Variants in PLXNC1 observed in about 807,000 individuals in gnomAD.
PLXNC1 encodes plexin C1, also known as plexin-C1.
A neutral mutation model predicts 178.2 loss-of-function variants in PLXNC1; 75 were observed. That is an observed-to-expected ratio of 0.42 (90% CI 0.35 to 0.51). The LOEUF (loss-of-function observed/expected upper bound fraction) is 0.51. PLXNC1 is among the 20% of genes least tolerant of loss of function. The probability of loss-of-function intolerance (pLI) is 0.02; values close to 1 mark genes in which losing one functional copy is unlikely to be tolerated. For missense variants in PLXNC1, 1,503 were observed against 1,984.4 expected, an observed-to-expected ratio of 0.76 and a Z score of 4.61; for synonymous variants, 790 against 779.9, an observed-to-expected ratio of 1.01 and a Z score of -0.22.
Position 94,167,758 on chromosome 12 carries a change from T to G in PLXNC1, c.1063-1395T>G, listed in dbSNP as rs577890849. ...ATCTTTCAACAAGGGAAAAAGAAAC[T>G]CTAATGAGCTTTCCCTAAATCTTCT... On this transcript the variant is annotated intron_variant, in intron 1 of 30. Transcript: ENST00000258526. Among the ~76,000 whole-genome samples, 3 of 152,320 alleles carry G rather than the reference T, an allele frequency of 2.0e-5. No homozygotes were observed. The South Asian group carries it at 6.2e-4, about 32-fold the overall frequency.
At chr12:94,300,876 C>T in intron 27 of PLXNC1, 34 bp from the exon 28 acceptor site, 1 of 1,589,496 alleles carries the variant, frequency 6.3e-7, no homozygotes, top group Non-Finnish European at 8.6e-7. Flanking sequence ...ATGAATGGCC[C>T]TATTTGAAAA....
intron 1 of PLXNC1, among the ~76,000 whole-genome samples, chr12:94,162,243 C>T (rs1001000678): frequency 6.6e-6 from 1 of 152,064 alleles, no homozygotes; most frequent in African/African-American, 2.4e-5. Context: ...AAAGAGCCAG[C>T]CTACAAGGGA....
chr12:94,177,209 A>G (rs1288954047), intron 2 of PLXNC1, among the ~76,000 whole-genome samples: 4 of 53,054 alleles, frequency 7.5e-5, no homozygotes, highest in African/African-American at 1.9e-4. Flanking sequence ...ACGTATATAT[A>G]TATGTGTGTG....
At position 94,247,674 on chromosome 12, in the gene PLXNC1, G is replaced by A. The variant is rs1964566394; in HGVS notation, c.2389-229G>A. Among the ~76,000 whole-genome samples the A allele has an allele frequency of 2.0e-5, 3 of 152,240 alleles. No homozygotes were observed. The South Asian group carries it at 6.2e-4, about 32-fold the overall frequency. ...AACTAGCATGTTTTGAGTGCTTACTGTGTGCCGGGCCCTGATCTAAGCATG... is the reference window on the plus strand; with the variant it reads ...AACTAGCATGTTTTGAGTGCTTACTATGTGCCGGGCCCTGATCTAAGCATG... On this transcript the variant is annotated intron_variant, in intron 12 of 30. Transcript: ENST00000258526.
chr12:94,303,949 A>G, intron 29 of PLXNC1, 28 bp from the exon 30 acceptor site: 13 of 1,607,172 alleles, frequency 8.1e-6, no homozygotes, highest in Non-Finnish European at 1.1e-5. Context: ...ACGTCATTTC[A>G]GAATCTCTCA....
chr12:94,233,054 C>T (rs1433222800), intron 9 of PLXNC1, among the ~76,000 whole-genome samples: 1 of 152,140 alleles, frequency 6.6e-6, no homozygotes, highest in Non-Finnish European at 1.5e-5. Flanking sequence ...ACTGTCAAAG[C>T]CTGCCCCCGA....
At chr12:94,208,844 C>G (rs550435078) in intron 4 of PLXNC1, among the ~76,000 whole-genome samples, 2 of 152,348 alleles carry the variant, frequency 1.3e-5, no homozygotes, top group South Asian at 4.1e-4. Flanking sequence ...ACACATCAAG[C>G]AAGCCAGTGA....
In PLXNC1 at chr12:94,177,177, G is replaced by GTA. The variant is rs202104237; in HGVS notation, c.1204-4261_1204-4260dup. ...TATATATATGTATATATATATATAC[G>GTA]TATATATATGTATATATATATACGT... On this transcript the variant is annotated intron_variant, in intron 2 of 30. Transcript: ENST00000258526. 3.7e-3 allele frequency among the ~76,000 whole-genome samples: 230 copies of GTA among 61,950 alleles called. 2 individuals carry two copies. The highest frequency in any genetic ancestry group is 0.031 in the Middle Eastern group (4 of 128). 40.6% of individuals were successfully genotyped at this position (61,950 alleles called of 152,430 possible). A position where few individuals can be genotyped will look rare whatever the true frequency, so the allele number is the denominator to read the frequency against.
At chr12:94,171,804 T>C (rs1351631698) in intron 2 of PLXNC1, among the ~76,000 whole-genome samples, 1 of 152,168 alleles carries the variant, frequency 6.6e-6, no homozygotes, top group Non-Finnish European at 1.5e-5. Flanking sequence ...ACTGGCGTGG[T>C]AACTTCTTGG....
chr12:94,302,471 A>G (rs763714311), intron 28 of PLXNC1, among the ~76,000 whole-genome samples: 2 of 152,184 alleles, frequency 1.3e-5, no homozygotes, highest in South Asian at 2.1e-4. Context: ...TTTCCCCAAT[A>G]TATTTCCTAC....
intron 23 of PLXNC1, among the ~76,000 whole-genome samples, chr12:94,287,222 A>G (rs891116904): frequency 6.6e-6 from 1 of 152,226 alleles, no homozygotes; most frequent in South Asian, 2.1e-4. Flanking sequence ...GTCTTTACAC[A>G]TGAAGCCAGA....
intron 20 of PLXNC1, among the ~76,000 whole-genome samples, chr12:94,262,225 AG>A (rs929159947): frequency 1.5e-4 from 23 of 152,270 alleles, no homozygotes; most frequent in African/African-American, 5.5e-4. Flanking sequence ...GCACCACACT[AG>A]GGGTCTTGGT....
intron 23 of PLXNC1, among the ~76,000 whole-genome samples, chr12:94,284,066 G>C (rs1055073966): frequency 1.4e-5 from 2 of 138,528 alleles, no homozygotes; most frequent in East Asian, 2.1e-4. Flanking sequence ...CTGTGCGACA[G>C]AGCAAGACTC....
chr12:94,234,317 C>T (rs1386660534), intron 9 of PLXNC1, among the ~76,000 whole-genome samples: 1 of 152,070 alleles, frequency 6.6e-6, no homozygotes, highest in Non-Finnish European at 1.5e-5. Context: ...AGAAGTAATC[C>T]TCTTAGACCT....
intron 21 of PLXNC1, among the ~76,000 whole-genome samples, chr12:94,270,292 C>T (rs1391127785): frequency 2.6e-5 from 4 of 152,182 alleles, no homozygotes; most frequent in African/African-American, 4.8e-5. Flanking sequence ...TATTGGAACA[C>T]CTGTTCATTT....
At chr12:94,182,859 GTATCTATCTATCTATCTATCTATC>G (rs59933010) in intron 3 of PLXNC1, among the ~76,000 whole-genome samples, 2 of 143,932 alleles carry the variant, frequency 1.4e-5, no homozygotes, top group Admixed American at 1.4e-4. Context: ...AAGAATATCT[GTATCTATCTATCTATCTATCTATC>G]TATCTATCTA....
intron 2 of PLXNC1, among the ~76,000 whole-genome samples, chr12:94,177,954 A>G (rs192694222): frequency 6.6e-6 from 1 of 152,362 alleles, no homozygotes; most frequent in Non-Finnish European, 1.5e-5. Context: ...AATAGTAACC[A>G]TAATGCCATG....
At chr12:94,187,020 C>T (rs1288483039) in intron 4 of PLXNC1, among the ~76,000 whole-genome samples, 4 of 152,220 alleles carry the variant, frequency 2.6e-5, no homozygotes, top group Non-Finnish European at 5.9e-5. Context: ...CATCTAGGCT[C>T]AGGGGCGACT....
chr12:94,302,991 A>G (rs1469600883), intron 28 of PLXNC1, among the ~76,000 whole-genome samples: 2 of 152,240 alleles, frequency 1.3e-5, no homozygotes, highest in Non-Finnish European at 2.9e-5. Flanking sequence ...AGAATGATTC[A>G]TCAAGCCATT....
Sources: allele counts gnomAD v4.1 joint callset (sites outside exome capture counted in the v4.1 genomes callset), GRCh38; gene constraint gnomAD v4.1.1; transcripts MANE v1.5; gene names NCBI Gene and HGNC (gene_info 2026-07-23, HGNC 2026-07-21).